The following ZC3H3 variants were observed in gnomAD, a reference collection of about 807,000 sequenced individuals.
The protein encoded by ZC3H3 is zinc finger CCCH domain-containing protein 3.
Under a neutral mutation model 77.3 loss-of-function variants are expected in ZC3H3, and 36 were observed. The ratio of observed to expected loss-of-function variants is 0.47; its 90% CI spans 0.36 to 0.61. The LOEUF is 0.61. Among genes scored for constraint, ZC3H3 ranks in the 20% least tolerant of loss-of-function variants. The pLI is 0.00. For synonymous variants in ZC3H3, 626 were observed against 555.2 expected (o/e 1.13, Z -1.79); for missense variants, 1,331 against 1,312.2 (o/e 1.01, Z -0.22).
chr8:143,441,805 C>T (rs1039966863), intron 9 of ZC3H3, among the ~76,000 whole-genome samples: 1 of 152,214 alleles, frequency 6.6e-6, no homozygotes, highest in African/African-American at 2.4e-5. Context: ...CCCACCCCTC[C>T]CGGGCTCTGC....
intron 4 of ZC3H3, among the ~76,000 whole-genome samples, chr8:143,496,166 G>A (rs1405284610): frequency 1.3e-5 from 2 of 152,196 alleles, no homozygotes; most frequent in African/African-American, 4.8e-5. Flanking sequence ...CAGAGATGGA[G>A]TGGAACTTGT....
At position 143,441,200 on chromosome 8, in the gene ZC3H3, A is replaced by C. The variant is rs1163090222; in HGVS notation, c.2308-80T>G. ...CGGGGAAGGCAAGGAGAGCCAGGCC[A>C]GGCCCCCCGAGTACCCACGGGGCCC... On this transcript the variant is annotated intron_variant, in intron 9 of 11. Transcript: ENST00000262577. 9 of 1,325,382 alleles carry C rather than the reference A, an allele frequency of 6.8e-6. No individual in the cohort carries two copies. In the African/African-American group the frequency reaches 1.2e-4, roughly 18 times the overall value. The allele number at this position is 1,325,382 out of a possible 1,614,324, so 82.1% of individuals were successfully genotyped here.
At chr8:143,441,950 A>T (rs747894467) in intron 9 of ZC3H3, among the ~76,000 whole-genome samples, 1 of 152,158 alleles carries the variant, frequency 6.6e-6, no homozygotes, top group South Asian at 2.1e-4. Context: ...GGCGTCCCCA[A>T]TGTGAACTGT....
intron 11 of ZC3H3, among the ~76,000 whole-genome samples, chr8:143,439,021 A>G (rs1316060301): frequency 6.6e-6 from 1 of 151,732 alleles, no homozygotes; most frequent in Non-Finnish European, 1.5e-5. Context: ...AGCCTTTCCC[A>G]GGCCCCGCCC....
chr8:143,536,176 G>C, intron 3 of ZC3H3, 81 bp downstream of exon 3: 2 of 1,473,152 alleles, frequency 1.4e-6, no homozygotes, highest in Non-Finnish European at 9.1e-7. Context: ...GGCAGGGAAG[G>C]TGCCCATGGC....
chr8:143,441,242 G>T, intron 9 of ZC3H3, 122 bp from the exon 10 acceptor site: 1 of 1,057,078 alleles, frequency 9.5e-7, no homozygotes, highest in Non-Finnish European at 1.2e-6. Context: ...CTCCGTCCAA[G>T]TCTTGGGGCC....
rs1157214039 is a variant in ZC3H3 at position 143,512,560 on chromosome 8, G to A, written c.1562-4661C>T. 2.6e-5 allele frequency among the ~76,000 whole-genome samples: 4 copies of A among 152,216 alleles called. 1 individual carries two copies. Among genetic ancestry groups the A allele is most frequent in the Non-Finnish European group, 5.9e-5 (4 of 68,028 alleles). ...CACCGACTGGGGATGGCACCTTCCAGTACGGCCGTGAATGCCCCACAGGCA... is the reference window on the plus strand; with the variant it reads ...CACCGACTGGGGATGGCACCTTCCAATACGGCCGTGAATGCCCCACAGGCA... On this transcript the variant is annotated intron_variant, in intron 3 of 11. Transcript: ENST00000262577.
Position 143,536,318 on chromosome 8 carries a change from C to T in ZC3H3, c.1500G>A (p.Gln500=). Residue 500 remains glutamine, a synonymous_variant, in exon 3 of 12, where the codon CAG becomes CAA. Coordinates refer to ENST00000262577, the MANE Select transcript of ZC3H3 (RefSeq NM_015117.3). Reference sequence around the variant, plus strand: ...GGCGACATAGTCGGTGCGTGGTGACCTGTACCAGGCCCTTGTTGGGGGTCT... The same window carrying T: ...GGCGACATAGTCGGTGCGTGGTGACTTGTACCAGGCCCTTGTTGGGGGTCT... ...LKKTPNKGLV[Q]VTTHRLCRLP... is the part of the protein sequence containing the mutation. The T allele has an allele frequency of 6.2e-7, 1 of 1,612,020 alleles. No homozygotes were observed. The highest frequency in any genetic ancestry group is 8.5e-7 in the Non-Finnish European group (1 of 1,179,592).
chr8:143,517,494 C>G (rs986832318), intron 3 of ZC3H3, among the ~76,000 whole-genome samples: 1 of 152,200 alleles, frequency 6.6e-6, no homozygotes, highest in Non-Finnish European at 1.5e-5. Flanking sequence ...CAGGCTGCAG[C>G]GAAGGACAGC....
At chr8:143,515,590 T>G (rs1822013484) in intron 3 of ZC3H3, among the ~76,000 whole-genome samples, 1 of 152,172 alleles carries the variant, frequency 6.6e-6, no homozygotes, top group African/African-American at 2.4e-5. Flanking sequence ...TCTGGCCAGC[T>G]CAGGCAGAAC....
rs1821284975 is a variant in ZC3H3, at chr8:143,494,302, A to G, written c.1715+13444T>C. Among the ~76,000 whole-genome samples, 1 of 152,232 alleles carries G rather than the reference A, an allele frequency of 6.6e-6. No individual in the cohort carries two copies. Among genetic ancestry groups the G allele is most frequent in the African/African-American group, 2.4e-5 (1 of 41,464 alleles). ...CTTTACCAGTTTTCTCAAATGACAG[A>G]GTATCTCAGAGAGCGTGAGTGAGCA... On this transcript the variant is annotated intron_variant, in intron 4 of 11. Transcript: ENST00000262577. This position sits in a 1 kb window ranked among gnomAD's most constrained non-coding sequence, Gnocchi z 5.3.
intron 9 of ZC3H3, among the ~76,000 whole-genome samples, chr8:143,463,644 C>T (rs892951771): frequency 2.0e-5 from 3 of 152,176 alleles, no homozygotes; most frequent in South Asian, 2.1e-4. Flanking sequence ...ACGTATCAGC[C>T]GGGGAGATCC....
intron 4 of ZC3H3, among the ~76,000 whole-genome samples, chr8:143,476,376 G>A (rs1489321216): frequency 1.3e-5 from 2 of 152,178 alleles, no homozygotes; most frequent in South Asian, 2.1e-4. Context: ...TGATGACCCT[G>A]GCTAGAGGAA....
chr8:143,527,691 C>T (rs1717783511), intron 3 of ZC3H3, among the ~76,000 whole-genome samples: 1 of 152,128 alleles, frequency 6.6e-6, no homozygotes, highest in Non-Finnish European at 1.5e-5. Flanking sequence ...CGGGGTTCAC[C>T]GCAGTAAAAT....
In ZC3H3 at chr8:143,538,189, C is replaced by A. The variant is rs756678279; in HGVS notation, c.1178G>T (p.Arg393Leu). 3.1e-6 allele frequency: 5 copies of A among 1,612,998 alleles called. No individual in the cohort carries two copies. Among genetic ancestry groups the A allele is most frequent in the East Asian group, 2.2e-5 (1 of 44,888 alleles). The change falls in exon 2 of 12, where the codon CGT becomes CTT. Residue 393 changes from arginine (R) to leucine (L), a missense_variant. This residue lies in a region of ZC3H3 where 978 missense variants were observed against 915.5 expected (regional missense o/e 1.07). Transcript: ENST00000262577. Reference sequence around the variant, plus strand: ...CTTGCTGCTGGCCTCCGACTGCCAACGGAAGGAGGAAGAGGAGGAGGCAGA... The same window carrying A: ...CTTGCTGCTGGCCTCCGACTGCCAAAGGAAGGAGGAAGAGGAGGAGGCAGA... The part of the protein sequence containing the change: ...SPSASSSSSF[R>L]WQSEASSKDH...
intron 3 of ZC3H3, among the ~76,000 whole-genome samples, chr8:143,535,690 G>A (rs1015540403): frequency 1.8e-4 from 27 of 152,234 alleles, no homozygotes; most frequent in African/African-American, 6.5e-4. Flanking sequence ...TGCAGGCCGG[G>A]GCCTTCCCAG....
At chr8:143,511,020 G>A (rs1027317881) in intron 3 of ZC3H3, among the ~76,000 whole-genome samples, 5 of 152,196 alleles carry the variant, frequency 3.3e-5, no homozygotes, top group South Asian at 2.1e-4. Flanking sequence ...CTTTACTACC[G>A]CAATGGAAGA....
At position 143,462,398 on chromosome 8, in the gene ZC3H3, A is replaced by G. The variant is rs1211085296; in HGVS notation, c.2307+3319T>C. ...CACAAATCACAGGGCAAAGGATGTC[A>G]GGACCTTGCCTCATAAAGGACGAAG... is the stretch of plus-strand genomic sequence containing the variant. On this transcript the variant is annotated intron_variant, in intron 9 of 11. Transcript: ENST00000262577. The surrounding 1 kb of genome is among the most constrained non-coding windows in gnomAD (Gnocchi z 4.7). 6.6e-6 allele frequency among the ~76,000 whole-genome samples: 1 copy of G among 152,210 alleles called. No individual in the cohort carries two copies. Among genetic ancestry groups the G allele is most frequent in the African/African-American group, 2.4e-5 (1 of 41,464 alleles).
chr8:143,495,369 G>A (rs1280784989), intron 4 of ZC3H3, among the ~76,000 whole-genome samples: 3 of 151,966 alleles, frequency 2.0e-5, no homozygotes, highest in African/African-American at 7.3e-5. Context: ...GTGAGACTTA[G>A]AGGCACAGGA....
Sources: allele counts gnomAD v4.1 joint callset (sites outside exome capture counted in the v4.1 genomes callset), GRCh38; gene constraint gnomAD v4.1.1; regional missense constraint gnomAD v4.1.1; non-coding constraint Gnocchi (gnomAD v3.1); transcripts MANE v1.5; gene names NCBI Gene and HGNC (gene_info 2026-07-23, HGNC 2026-07-21).